WWOX: variants seen among roughly 807,000 people sequenced by gnomAD.
WWOX encodes WW domain-containing oxidoreductase.
Under a neutral mutation model 46.2 loss-of-function variants are expected in WWOX, and 69 were observed. That is an observed-to-expected ratio of 1.49 (90% CI 1.23 to 1.82). WWOX has a LOEUF of 1.82. WWOX is among the 40% of genes most tolerant of loss of function. The pLI is 0.00. For missense variants in WWOX, 919 were observed against 542.6 expected, an observed-to-expected ratio of 1.69 and a Z score of -6.89; for synonymous variants, 359 against 202.6, an observed-to-expected ratio of 1.77 and a Z score of -6.56.
At chr16:78,825,644 G>T in intron 8 of WWOX, 1 of 520,768 alleles carries the variant, frequency 1.9e-6, no homozygotes. Context: ...ATGGTGGGCT[G>T]TGGTTCATCA....
intron 6 of WWOX, among the ~76,000 whole-genome samples, chr16:78,398,507 T>A (rs1200326086): frequency 2.0e-5 from 3 of 152,218 alleles, no homozygotes; most frequent in African/African-American, 4.8e-5. Context: ...AGAGCCTCCC[T>A]TCTACCTGCT....
chr16:78,856,885 A>G (rs540063206), intron 8 of WWOX, among the ~76,000 whole-genome samples: 21 of 152,318 alleles, frequency 1.4e-4, no homozygotes, highest in African/African-American at 4.3e-4. Flanking sequence ...GAGTATACCT[A>G]TACAATCCTA....
chr16:78,450,734 C>A (rs780672450), intron 8 of WWOX, among the ~76,000 whole-genome samples: 5 of 152,068 alleles, frequency 3.3e-5, no homozygotes, highest in Non-Finnish European at 7.4e-5. Flanking sequence ...TGATTTGTCT[C>A]TTTGTTAATT....
At chr16:78,358,680 G>A (rs71386273) in intron 5 of WWOX, among the ~76,000 whole-genome samples, 78,625 of 151,110 alleles carry the variant, frequency 0.52, 22,028 homozygotes, top group Non-Finnish European at 0.63. Flanking sequence ...ATATGTGTGT[G>A]TGTGTGTGTG....
At chr16:78,726,552 A>G (rs778037730) in intron 8 of WWOX, among the ~76,000 whole-genome samples, 18 of 150,012 alleles carry the variant, frequency 1.2e-4, no homozygotes, top group Middle Eastern at 6.8e-3. Context: ...TTCAATACAC[A>G]GTAGTGCTTT....
chr16:79,060,924 A>G (rs1355426413), intron 8 of WWOX, among the ~76,000 whole-genome samples: 2 of 152,230 alleles, frequency 1.3e-5, no homozygotes, highest in African/African-American at 2.4e-5. Context: ...CAAAAGCACT[A>G]TGAAATAGAT....
chr16:79,051,355 T>A (rs1006095451), intron 8 of WWOX, among the ~76,000 whole-genome samples: 2 of 152,190 alleles, frequency 1.3e-5, no homozygotes, highest in Non-Finnish European at 2.9e-5. Flanking sequence ...TAACATAAAA[T>A]CCAAAACAGG....
intron 8 of WWOX, among the ~76,000 whole-genome samples, chr16:78,797,358 T>TAAAAAAAAAAAAAAAAAAAAAA (rs57291441): frequency 1.7e-5 from 2 of 116,644 alleles, no homozygotes; most frequent in Non-Finnish European, 3.2e-5. Context: ...GTCAAAGTGG[T>TAAAAAAAAAAAAAAAAAAAAAA]AAAAAAAAAA....
intron 8 of WWOX, among the ~76,000 whole-genome samples, chr16:79,163,087 T>G (rs931943696): frequency 1.3e-5 from 2 of 152,210 alleles, no homozygotes; most frequent in South Asian, 4.1e-4. Context: ...GTCAAACCAG[T>G]GTTTGTTGAC....
intron 8 of WWOX, among the ~76,000 whole-genome samples, chr16:78,834,887 GTAATAATCATGCGTACCACCTT>G (rs1249080501): frequency 1.3e-5 from 2 of 152,068 alleles, no homozygotes; most frequent in African/African-American, 4.8e-5. Context: ...ATGACTGTTT[GTAATAATCATGCGTACCACCTT>G]AGTCTGAGCA....
chr16:79,050,827 G>C (rs188074040), intron 8 of WWOX, among the ~76,000 whole-genome samples: 4 of 152,298 alleles, frequency 2.6e-5, no homozygotes, highest in African/African-American at 9.6e-5. Context: ...TTTAGGAAAC[G>C]AGATGAATTG....
intron 5 of WWOX, among the ~76,000 whole-genome samples, chr16:78,331,466 G>T (rs2080757145): frequency 1.3e-5 from 2 of 152,190 alleles, no homozygotes; most frequent in African/African-American, 4.8e-5. Context: ...ATGTAGGTGA[G>T]ATTCTTTGGA....
intron 5 of WWOX, among the ~76,000 whole-genome samples, chr16:78,266,554 C>T (rs996453416): frequency 6.6e-6 from 1 of 152,146 alleles, no homozygotes; most frequent in African/African-American, 2.4e-5. Context: ...CCATAAGACT[C>T]TCTGGAACTA....
At chr16:78,540,666 C>T (rs1329037421) in intron 8 of WWOX, among the ~76,000 whole-genome samples, 1 of 151,594 alleles carries the variant, frequency 6.6e-6, no homozygotes, top group African/African-American at 2.4e-5. Context: ...TCTATAGGCT[C>T]CTGCAAATTT....
intron 8 of WWOX, among the ~76,000 whole-genome samples, chr16:79,166,357 T>G (rs1233147359): frequency 6.6e-6 from 1 of 152,154 alleles, no homozygotes; most frequent in African/African-American, 2.4e-5. Flanking sequence ...CCACAAAGAT[T>G]GTGTTTTAAA....
chr16:78,870,252 C>G (rs543405413), intron 8 of WWOX, among the ~76,000 whole-genome samples: 3 of 152,280 alleles, frequency 2.0e-5, no homozygotes, highest in East Asian at 1.9e-4. Context: ...TTCTGTTTTG[C>G]TTGATGACAA....
intron 8 of WWOX, among the ~76,000 whole-genome samples, chr16:78,640,472 A>G (rs745992746): frequency 2.0e-5 from 3 of 152,016 alleles, no homozygotes; most frequent in Non-Finnish European, 4.4e-5. Flanking sequence ...CCTGCCATTG[A>G]TGTGAGCGGG....
At chr16:78,205,031 A>G (rs751358874) in intron 5 of WWOX, among the ~76,000 whole-genome samples, 1 of 152,206 alleles carries the variant, frequency 6.6e-6, no homozygotes, top group Non-Finnish European at 1.5e-5. Flanking sequence ...TTTGTTGAAG[A>G]CACTCTTATG....
intron 8 of WWOX, among the ~76,000 whole-genome samples, chr16:78,851,286 G>A (rs1597720538): frequency 6.6e-6 from 1 of 152,280 alleles, no homozygotes; most frequent in Non-Finnish European, 1.5e-5. Flanking sequence ...ATTTTCAACA[G>A]GAGCTATAAT....
Sources: gnomAD v4.1 joint callset for allele counts (sites outside exome capture counted in the v4.1 genomes callset) on GRCh38, gnomAD v4.1.1 for gene constraint, MANE v1.5 for transcripts, NCBI Gene and HGNC (gene_info 2026-07-23, HGNC 2026-07-21) for gene names.